Variants in TUBGCP3 observed in about 807,000 individuals in gnomAD.
TUBGCP3 encodes gamma-tubulin complex component 3.
TUBGCP3 carries 50 observed loss-of-function variants against 123.1 expected under a neutral mutation model. The ratio of observed to expected loss-of-function variants is 0.41; its 90% CI spans 0.32 to 0.51. TUBGCP3 has a LOEUF of 0.51. TUBGCP3 is among the 20% of genes least tolerant of loss of function. TUBGCP3 has a pLI of 0.36. For missense variants in TUBGCP3, 882 were observed against 1,127.0 expected, an observed-to-expected ratio of 0.78 and a Z score of 3.11; for synonymous variants, 405 against 413.9, an observed-to-expected ratio of 0.98 and a Z score of 0.26.
At chr13:112,585,482 G>A (rs1427877170) in intron 1 of TUBGCP3, among the ~76,000 whole-genome samples, 2 of 152,148 alleles carry the variant, frequency 1.3e-5, no homozygotes, top group Non-Finnish European at 2.9e-5. Context: ...AGAGAGGGCC[G>A]GGCGCAGTGG....
chr13:112,506,895 G>T (rs1477527742), intron 17 of TUBGCP3, among the ~76,000 whole-genome samples: 1 of 152,082 alleles, frequency 6.6e-6, no homozygotes, highest in East Asian at 1.9e-4. Flanking sequence ...TCAACTTTAG[G>T]TTTTAACGCA....
chr13:112,504,803 T>TA, intron 17 of TUBGCP3, 89 bp from the exon 18 acceptor site: 2 of 1,058,346 alleles, frequency 1.9e-6, no homozygotes, highest in Admixed American at 2.1e-5. Flanking sequence ...CAAGCTATCT[T>TA]AAAACAAAAA....
At chr13:112,563,707 C>CA (rs777082525) in intron 3 of TUBGCP3, among the ~76,000 whole-genome samples, 42,238 of 103,184 alleles carry the variant, frequency 0.41, 7,852 homozygotes, top group African/African-American at 0.54. Context: ...ACTAAAAATA[C>CA]CAAAAAAAAA....
the TUBGCP3 span, among the ~76,000 whole-genome samples, chr13:112,594,174 G>C: frequency 5.3e-5 from 8 of 152,296 alleles, no homozygotes; most frequent in South Asian, 2.1e-4. Flanking sequence ...TACAAGGCCA[G>C]TATTAACCTG....
Position 112,519,176 on chromosome 13 carries a change from G to C in TUBGCP3, c.1882-133C>G. 1.4e-6 allele frequency: 1 copy of C among 703,834 alleles called. No homozygotes were observed. The highest frequency in any genetic ancestry group is 2.7e-5 in the East Asian group (1 of 36,750). The allele number at this position is 703,834 out of a possible 1,614,324, so 43.6% of individuals were successfully genotyped here. ...TCAACAGTTCTGAGTGCATCTTCTTGTTAACTTCTACAACCTCACCAATTA... is the reference window on the plus strand; with the variant it reads ...TCAACAGTTCTGAGTGCATCTTCTTCTTAACTTCTACAACCTCACCAATTA... On this transcript the variant is annotated intron_variant, in intron 15 of 21. Transcript: ENST00000261965. The surrounding 1 kb of genome is among the most constrained non-coding windows in gnomAD (Gnocchi z 6.2).
At chr13:112,507,280 T>C (rs1881370582) in intron 17 of TUBGCP3, among the ~76,000 whole-genome samples, 4 of 152,286 alleles carry the variant, frequency 2.6e-5, no homozygotes, top group Admixed American at 2.6e-4. Flanking sequence ...ACATGCTCAG[T>C]GTGATCCTAA....
intron 8 of TUBGCP3, among the ~76,000 whole-genome samples, chr13:112,548,408 T>C (rs1250358714): frequency 6.6e-6 from 1 of 152,142 alleles, no homozygotes; most frequent in African/African-American, 2.4e-5. Flanking sequence ...AGAAGAGGAA[T>C]GGAAAAAATA....
At chr13:112,543,011 G>A (rs1040276509) in intron 11 of TUBGCP3, among the ~76,000 whole-genome samples, 45 of 152,126 alleles carry the variant, frequency 3.0e-4, no homozygotes, top group African/African-American at 9.9e-4. Context: ...TTAGCTGGGC[G>A]TAGCAGCGTG....
At chr13:112,567,675 A>G (rs1000040743) in intron 2 of TUBGCP3, among the ~76,000 whole-genome samples, 2 of 152,204 alleles carry the variant, frequency 1.3e-5, no homozygotes, top group Non-Finnish European at 2.9e-5. Context: ...TCAGACTCCC[A>G]CTGCTCGTCC....
chr13:112,557,872 A>G (rs1880172764), intron 5 of TUBGCP3, among the ~76,000 whole-genome samples: 1 of 152,266 alleles, frequency 6.6e-6, no homozygotes, highest in Admixed American at 6.5e-5. Flanking sequence ...CCCTAAGGAA[A>G]AATCTGAGCA....
chr13:112,556,793 A>G (rs1197355129), intron 5 of TUBGCP3, among the ~76,000 whole-genome samples: 1 of 152,268 alleles, frequency 6.6e-6, no homozygotes, highest in Non-Finnish European at 1.5e-5. Context: ...TTCAAGGTCA[A>G]GATGGCTTGT....
chr13:112,588,594 G>A (rs1882795873), upstream of TUBGCP3, among the ~76,000 whole-genome samples: 1 of 152,178 alleles, frequency 6.6e-6, no homozygotes, highest in African/African-American at 2.4e-5. Flanking sequence ...TCGCACTGCC[G>A]CGCGGGCCGG....
chr13:112,545,820 T>A lies in TUBGCP3; in HGVS notation c.1214A>T (p.Lys405Ile), dbSNP rs1878942738. Residue 405 changes from lysine (K) to isoleucine (I), a missense_variant, in exon 11 of 22, where the codon AAA becomes ATA. Around this residue, in one of 3 missense-constraint regions of TUBGCP3, gnomAD observed 713 missense variants for 874.0 expected, o/e 0.82. Coordinates refer to ENST00000261965, the MANE Select transcript of TUBGCP3 (RefSeq NM_006322.6). This position sits in a 1 kb window ranked among gnomAD's most constrained non-coding sequence, Gnocchi z 4.1. ...AGACCGCATGTACGGGTCTCCTGTT[T>A]TTGTGTAGGCGTGGACAGCTGAGGC... ...ELASAVHAYT[K>I]TGDPYMRSLV... 1 of 1,614,064 alleles carries A rather than the reference T, an allele frequency of 6.2e-7. No homozygotes were observed. The highest frequency in any genetic ancestry group is 1.7e-5 in the Admixed American group (1 of 60,006).
At position 112,511,501 on chromosome 13, in the gene TUBGCP3, G is replaced by A. The variant is rs1483321290; in HGVS notation, c.2086+4939C>T. ...GAACCGCAGCTGGGCCGGTACTAAA[G>A]GCTGTGCTGCCGGAGCACAGAGCCC... On this transcript the variant is annotated intron_variant, in intron 17 of 21. Transcript: ENST00000261965. The surrounding 1 kb of genome is among the most constrained non-coding windows in gnomAD (Gnocchi z 4.1). 6.6e-6 allele frequency among the ~76,000 whole-genome samples: 1 copy of A among 152,112 alleles called. No individual in the cohort carries two copies. The highest frequency in any genetic ancestry group is 1.5e-5 in the Non-Finnish European group (1 of 68,024).
Position 112,522,314 on chromosome 13 carries a change from C to A in TUBGCP3, c.1745+6G>T. ...CTTATTTATAGAAATCAAAATAGTG[C>A]CTTACTTTAGCAAGTCCATTAAGTG... On this transcript the variant is annotated splice_donor_region_variant and intron_variant, in intron 14 of 21. Coordinates refer to ENST00000261965, the MANE Select transcript of TUBGCP3 (RefSeq NM_006322.6). The A allele has an allele frequency of 6.5e-7, 1 of 1,548,378 alleles. No homozygotes were observed. The highest frequency in any genetic ancestry group is 8.8e-7 in the Non-Finnish European group (1 of 1,136,340).
At chr13:112,565,076 A>G in intron 3 of TUBGCP3, 35 bp downstream of exon 3, 1 of 1,585,604 alleles carries the variant, frequency 6.3e-7, no homozygotes, top group Non-Finnish European at 8.6e-7. Context: ...ATCCTCAACA[A>G]TGAGTGCAAT....
chr13:112,555,434 AG>A (rs1797041791), intron 6 of TUBGCP3, among the ~76,000 whole-genome samples: 1 of 152,218 alleles, frequency 6.6e-6, no homozygotes, highest in African/African-American at 2.4e-5. Context: ...GCAGATTACG[AG>A]CCAACAGGGA....
intron 13 of TUBGCP3, among the ~76,000 whole-genome samples, chr13:112,523,765 C>G (rs1876817873): frequency 6.6e-6 from 1 of 152,218 alleles, no homozygotes; most frequent in Admixed American, 6.5e-5. Context: ...TTTGCTCCTT[C>G]AGGGTTGAGG....
intron 1 of TUBGCP3, among the ~76,000 whole-genome samples, chr13:112,573,205 T>A (rs997285453): frequency 6.7e-6 from 1 of 150,004 alleles, no homozygotes; most frequent in African/African-American, 2.5e-5. Flanking sequence ...ACATAACACA[T>A]CCATGAAACA....
Sources: allele counts gnomAD v4.1 joint callset (sites outside exome capture counted in the v4.1 genomes callset), GRCh38; gene constraint gnomAD v4.1.1; regional missense constraint gnomAD v4.1.1; non-coding constraint Gnocchi (gnomAD v3.1); transcripts MANE v1.5; gene names NCBI Gene and HGNC (gene_info 2026-07-23, HGNC 2026-07-21).